The following ELMO1 variants were observed in gnomAD, a reference collection of about 807,000 sequenced individuals.
The protein encoded by ELMO1 is engulfment and cell motility protein 1.
ELMO1 carries 26 observed loss-of-function variants against 98.9 expected under a neutral mutation model. That is an observed-to-expected ratio of 0.26 (90% CI 0.19 to 0.36). The LOEUF (loss-of-function observed/expected upper bound fraction) is 0.36, where lower values mean the gene tolerates loss of function less well. Among genes scored for constraint, ELMO1 ranks in the 10% least tolerant of loss-of-function variants. The pLI is 1.00. For missense variants in ELMO1, 627 were observed against 935.2 expected (o/e 0.67, Z 4.30); for synonymous variants, 346 against 346.0 (o/e 1.00, Z 0.00).
chr7:37,170,803 C>A (rs1790101042), intron 13 of ELMO1, among the ~76,000 whole-genome samples: 1 of 151,962 alleles, frequency 6.6e-6, no homozygotes, highest in Non-Finnish European at 1.5e-5. Context: ...GACGGGGTTT[C>A]AACATGTTGG....
intron 5 of ELMO1, among the ~76,000 whole-genome samples, chr7:37,268,319 T>C (rs540269714): frequency 6.1e-4 from 93 of 152,312 alleles, no homozygotes; most frequent in African/African-American, 2.1e-3. Context: ...TATTTTTTTG[T>C]GAGACAGGCT....
intron 20 of ELMO1, among the ~76,000 whole-genome samples, chr7:36,864,113 T>TGC (rs1420622352): frequency 3.3e-5 from 5 of 152,206 alleles, no homozygotes; most frequent in Non-Finnish European, 7.3e-5. Context: ...AGTGCCTGAC[T>TGC]GCTCAGGGAA....
At chr7:37,244,090 G>A (rs1794882012) in intron 7 of ELMO1, among the ~76,000 whole-genome samples, 1 of 152,010 alleles carries the variant, frequency 6.6e-6, no homozygotes, top group African/African-American at 2.4e-5. Context: ...CCAGAAGTAG[G>A]GTAGCAATCT....
chr7:36,861,143 A>G (rs1031621624), intron 21 of ELMO1, among the ~76,000 whole-genome samples: 1 of 152,248 alleles, frequency 6.6e-6, no homozygotes, highest in Non-Finnish European at 1.5e-5. Context: ...TATAGCTGAC[A>G]GCGTGCTACA....
At chr7:37,244,688 T>C (rs989182421) in intron 6 of ELMO1, among the ~76,000 whole-genome samples, 1 of 152,200 alleles carries the variant, frequency 6.6e-6, no homozygotes, top group Non-Finnish European at 1.5e-5. Context: ...CTGTGTTCAA[T>C]GGAGCGGGGT....
rs148786390 is a variant in ELMO1, at chr7:37,362,203, A to G, written c.-73-19440T>C. On this transcript the variant is annotated intron_variant, in intron 1 of 21. Coordinates refer to ENST00000310758, the MANE Select transcript of ELMO1 (RefSeq NM_014800.11). ...TGAAAATTGATTTTATTGTACCTCA[A>G]TAGAAATGTATATGATATATATATA... Among the ~76,000 whole-genome samples the G allele has an allele frequency of 3.0e-3, 450 of 148,790 alleles. 3 individuals carry two copies. The highest frequency in any genetic ancestry group is 0.011 in the African/African-American group (441 of 40,988).
intron 16 of ELMO1, among the ~76,000 whole-genome samples, chr7:36,956,583 T>G (rs548409636): frequency 6.6e-6 from 1 of 152,344 alleles, no homozygotes; most frequent in East Asian, 1.9e-4. Context: ...TTTTATTTTA[T>G]AGCTCAAAAA....
intron 21 of ELMO1, among the ~76,000 whole-genome samples, chr7:36,856,520 T>C (rs900605206): frequency 1.3e-5 from 2 of 152,228 alleles, no homozygotes; most frequent in African/African-American, 4.8e-5. Flanking sequence ...CCCTTCACAG[T>C]ACCCAACTAA....
intron 1 of ELMO1, among the ~76,000 whole-genome samples, chr7:37,405,751 G>A (rs941060344): frequency 1.1e-4 from 16 of 152,082 alleles, no homozygotes; most frequent in African/African-American, 3.6e-4. Context: ...ATCCTCCTCC[G>A]ATACTCCAAA....
intron 15 of ELMO1, among the ~76,000 whole-genome samples, chr7:37,051,592 T>TG (rs70980912): frequency 5.9e-5 from 9 of 152,152 alleles, no homozygotes; most frequent in African/African-American, 1.4e-4. Flanking sequence ...TTTTTTTTTT[T>TG]GTCTCTCTTT....
intron 4 of ELMO1, among the ~76,000 whole-genome samples, chr7:37,281,635 C>G (rs916555789): frequency 1.4e-4 from 21 of 152,282 alleles, no homozygotes; most frequent in African/African-American, 4.8e-4. Context: ...GAATCAGGGG[C>G]CTGGTTTGCT....
intron 2 of ELMO1, among the ~76,000 whole-genome samples, chr7:37,336,817 T>C (rs1800439803): frequency 6.6e-6 from 1 of 152,218 alleles, no homozygotes; most frequent in African/African-American, 2.4e-5. Context: ...ACAACATAGA[T>C]GGCATATACT....
At chr7:37,210,200 C>A (rs1792875143) in intron 13 of ELMO1, among the ~76,000 whole-genome samples, 1 of 152,062 alleles carries the variant, frequency 6.6e-6, no homozygotes. Flanking sequence ...AAGTACAGTT[C>A]CACAAATTTA....
At chr7:37,331,186 TG>T (rs869205290) in intron 2 of ELMO1, among the ~76,000 whole-genome samples, 81 of 149,740 alleles carry the variant, frequency 5.4e-4, no homozygotes, top group Admixed American at 6.0e-4. Flanking sequence ...TTTTTTTTTT[TG>T]GAGACACAGT....
Position 37,408,475 on chromosome 7 carries a change from G to A in ELMO1, c.-74+40200C>T, listed in dbSNP as rs537460641. Among the ~76,000 whole-genome samples the A allele has an allele frequency of 3.3e-4, 50 of 152,290 alleles. 1 individual carries two copies. Among genetic ancestry groups the A allele is most frequent in the Admixed American group, 1.3e-4 (2 of 15,300 alleles). On this transcript the variant is annotated intron_variant, in intron 1 of 21. Transcript: ENST00000310758. ...TTGGCACTACTGTGTACACTGCAGC[G>A]TTAGTCACAATAGCCAGGAGGGAGA...
chr7:37,269,030 C>T (rs1385020142), intron 5 of ELMO1, among the ~76,000 whole-genome samples: 9 of 152,204 alleles, frequency 5.9e-5, no homozygotes, highest in African/African-American at 9.7e-5. Context: ...GAAGGAACTT[C>T]GAAAGCTAGT....
At chr7:37,161,109 T>A (rs957463870) in intron 13 of ELMO1, among the ~76,000 whole-genome samples, 1 of 152,170 alleles carries the variant, frequency 6.6e-6, no homozygotes, top group Admixed American at 6.5e-5. Flanking sequence ...TGGGCTCTTG[T>A]GAGGAGGCAG....
chr7:37,394,114 C>T (rs1370406531), intron 1 of ELMO1, among the ~76,000 whole-genome samples: 1 of 152,136 alleles, frequency 6.6e-6, no homozygotes, highest in Non-Finnish European at 1.5e-5. Flanking sequence ...GGAGCCTCTC[C>T]CTGTTAGGCC....
chr7:37,202,418 A>G (rs559234639), intron 13 of ELMO1, among the ~76,000 whole-genome samples: 1 of 152,356 alleles, frequency 6.6e-6, no homozygotes, highest in South Asian at 2.1e-4. Flanking sequence ...GTACTCCAAG[A>G]GACTGCACCA....
Sources: allele counts gnomAD v4.1 joint callset (sites outside exome capture counted in the v4.1 genomes callset), GRCh38; gene constraint gnomAD v4.1.1; transcripts MANE v1.5; gene names NCBI Gene and HGNC (gene_info 2026-07-23, HGNC 2026-07-21).